The following TRPM2 variants were observed in gnomAD, a reference collection of about 807,000 sequenced individuals.
TRPM2 encodes the protein transient receptor potential cation channel subfamily M member 2.
TRPM2 carries 161 observed loss-of-function variants against 174.0 expected under a neutral mutation model. The observed-to-expected ratio is 0.93, with a 90% CI of 0.81 to 1.05. The LOEUF (loss-of-function observed/expected upper bound fraction) is 1.05, where lower values mean the gene tolerates loss of function less well. TRPM2 is among the 50% of genes least tolerant of loss of function. The pLI, the probability that TRPM2 is intolerant of heterozygous loss-of-function variation, is 0.00. For synonymous variants in TRPM2, 954 were observed against 861.3 expected (o/e 1.11, Z -1.88); for missense variants, 2,057 against 2,038.0 (o/e 1.01, Z -0.18).
At chr21:44,406,116 G>A in intron 18 of TRPM2, 79 bp downstream of exon 18, 4 of 1,555,844 alleles carry the variant, frequency 2.6e-6, no homozygotes, top group Non-Finnish European at 1.7e-6. Flanking sequence ...CCTTGCCAGT[G>A]GCTCGGACTG....
chr21:44,412,883 A>T (rs2050148857), intron 19 of TRPM2, among the ~76,000 whole-genome samples: 1 of 152,118 alleles, frequency 6.6e-6, no homozygotes, highest in South Asian at 2.1e-4. Context: ...TATCTTAGAA[A>T]ATTAGTAACA....
intron 19 of TRPM2, among the ~76,000 whole-genome samples, chr21:44,412,789 T>A (rs2050146281): frequency 6.6e-6 from 1 of 152,094 alleles, no homozygotes; most frequent in Non-Finnish European, 1.5e-5. Context: ...CTTCTTTTTC[T>A]AGTTTACTAC....
Position 44,353,737 on chromosome 21 carries a change from C to G in TRPM2, c.37C>G (p.Gln13Glu), listed in dbSNP as rs2047973272. The G allele has an allele frequency of 6.3e-7, 1 of 1,579,866 alleles. No individual in the cohort carries two copies. The highest frequency in any genetic ancestry group is 1.4e-5 in the African/African-American group (1 of 72,586). The change falls in exon 1 of 32, where the codon CAG becomes GAG. Residue 13 changes from glutamine to glutamate, a missense_variant. Physicochemically the swap from Gln to Glu is conservative, Grantham distance 29. Coordinates refer to ENST00000397928, the MANE Select transcript of TRPM2 (RefSeq NM_003307.4). ...PSALRKAGSE[Q>E]EEGFEGLPRR... ...AGCCCTGAGGAAAGCTGGCTCGGAG[C>G]AGGAGGAGGGCTTTGAGGGGCTGCC...
At chr21:44,369,569 T>A (rs60270826) in intron 5 of TRPM2, among the ~76,000 whole-genome samples, 12 of 34,380 alleles carry the variant, frequency 3.5e-4, no homozygotes, top group African/African-American at 1.5e-3. Context: ...TGTGGGTGAG[T>A]TCTGACCGGG....
At chr21:44,424,018 C>G (rs1363095274) in intron 23 of TRPM2, among the ~76,000 whole-genome samples, 4 of 152,132 alleles carry the variant, frequency 2.6e-5, no homozygotes, top group African/African-American at 9.7e-5. Context: ...CCCCTCCCGG[C>G]CTCCAGGGAG....
chr21:44,359,743 G>A (rs951754472), intron 2 of TRPM2, among the ~76,000 whole-genome samples: 1 of 131,808 alleles, frequency 7.6e-6, no homozygotes, highest in Non-Finnish European at 1.5e-5. Context: ...ACATATATAT[G>A]TATATATATA....
At position 44,366,924 on chromosome 21, in the gene TRPM2, T is replaced by C. The variant is rs761517822; in HGVS notation, c.594T>C (p.Ala198=). The change falls in exon 4 of 32, where the codon GCT becomes GCC. Residue 198 remains alanine (A), a synonymous_variant. Transcript: ENST00000397928. This position sits in a 1 kb window ranked among gnomAD's most constrained non-coding sequence, Gnocchi z 6.0. ...TCCGCAGAGGCCTGGTCAAGGTGGC[T>C]CAGACCACAGGTAACTCGGAGGCTG... is the stretch of plus-strand genomic sequence containing the variant. ...SIFRRGLVKV[A]QTTGAWIITG... is the part of the protein sequence containing the mutation. The C allele has an allele frequency of 2.5e-6, 4 of 1,592,508 alleles. No individual in the cohort carries two copies. The highest frequency in any genetic ancestry group is 3.4e-6 in the Non-Finnish European group (4 of 1,166,940).
chr21:44,369,518 C>G (rs1329440219), intron 5 of TRPM2, among the ~76,000 whole-genome samples, 175 bp downstream of exon 5: 1 of 95,002 alleles, frequency 1.1e-5, no homozygotes, highest in African/African-American at 4.5e-5. Flanking sequence ...GACGTCTGAC[C>G]GGGTGCTGCG....
chr21:44,439,229 A>C lies in TRPM2; in HGVS notation c.4269+61A>C. ...GTCCCCAGGGCTGCAGGACAAACAC[A>C]GTGTGATACTGGGGACCTGCCCCAG... On this transcript the variant is annotated intron_variant, in intron 30 of 31. Transcript: ENST00000397928. This position sits in a 1 kb window ranked among gnomAD's most constrained non-coding sequence, Gnocchi z 5.1. The C allele has an allele frequency of 6.7e-7, 1 of 1,485,122 alleles. No homozygotes were observed. The highest frequency in any genetic ancestry group is 9.4e-7 in the Non-Finnish European group (1 of 1,068,096). The allele number at this position is 1,485,122 out of a possible 1,614,324, so 92.0% of individuals were successfully genotyped here.
At chr21:44,382,115 CAATA>C (rs2048899739) in intron 8 of TRPM2, among the ~76,000 whole-genome samples, 1 of 150,830 alleles carries the variant, frequency 6.6e-6, no homozygotes, top group Non-Finnish European at 1.5e-5. Flanking sequence ...GATAGCTAGA[CAATA>C]GATAGATACA....
chr21:44,385,138 T>C (rs1328207140), intron 9 of TRPM2, among the ~76,000 whole-genome samples: 2 of 152,286 alleles, frequency 1.3e-5, no homozygotes, highest in Middle Eastern at 3.4e-3. Context: ...CATATGAAAA[T>C]TAATCAATAC....
At chr21:44,356,335 C>T (rs1235495454) in intron 2 of TRPM2, among the ~76,000 whole-genome samples, 2 of 151,254 alleles carry the variant, frequency 1.3e-5, no homozygotes, top group Non-Finnish European at 3.0e-5. Flanking sequence ...AGCAGTGGTA[C>T]TCCAGCCTCG....
In TRPM2 at chr21:44,390,942, G is replaced by A. The variant is rs767575649; in HGVS notation, c.1357G>A (p.Asp453Asn). Residue 453 changes from aspartate to asparagine, a missense_variant, in exon 10 of 32, where the codon GAC (aspartate) becomes AAC (asparagine). Asp to Asn is a conservative substitution (Grantham distance 23). Coordinates refer to ENST00000397928, the MANE Select transcript of TRPM2 (RefSeq NM_003307.4). ...SQDHFGHENW[D>N]HQLKLAVAWN... The stretch of plus-strand genomic sequence containing the variant: ...AGACCACTTTGGCCACGAGAACTGG[G>A]ACCACCAGCTGAAACTGGCAGTGGC... The A allele has an allele frequency of 1.2e-6, 2 of 1,614,116 alleles. No homozygotes were observed. The highest frequency in any genetic ancestry group is 4.5e-5 in the East Asian group (2 of 44,882).
intron 20 of TRPM2, chr21:44,416,574 G>T: frequency 5.6e-6 from 1 of 179,258 alleles, no homozygotes; most frequent in South Asian, 1.1e-4. Context: ...TCTGTCTCCT[G>T]ATAAACACCC....
rs369318694 is a variant in TRPM2, at chr21:44,353,851, G to A, written c.151G>A (p.Gly51Ser). ...FKSWRLQCPF[G>S]NNDKQESLSS... ...GAGCTGGAGGCTACAGTGCCCCTTC[G>A]GCAACAATGACAAGGTAGGCTTTCT... Residue 51 changes from glycine to serine, a missense_variant, in exon 1 of 32, where the codon GGC becomes AGC. Transcript: ENST00000397928. The A allele has an allele frequency of 1.3e-5, 20 of 1,598,046 alleles. No homozygotes were observed. Among genetic ancestry groups the A allele is most frequent in the African/African-American group, 9.5e-5 (7 of 73,704 alleles).
chr21:44,355,362 T>G (rs540216124), intron 2 of TRPM2, among the ~76,000 whole-genome samples: 6 of 152,230 alleles, frequency 3.9e-5, no homozygotes, highest in Non-Finnish European at 8.8e-5. Context: ...GAGTGTTGAT[T>G]CATGTTTGTG....
intron 9 of TRPM2, among the ~76,000 whole-genome samples, chr21:44,384,319 A>G (rs1256241266): frequency 6.6e-6 from 1 of 152,230 alleles, no homozygotes; most frequent in Non-Finnish European, 1.5e-5. Context: ...TACTTTATAA[A>G]TCAATCACTG....
At chr21:44,418,394 T>G in intron 21 of TRPM2, 29 bp from the exon 22 acceptor site, 1 of 1,608,296 alleles carries the variant, frequency 6.2e-7, no homozygotes, top group East Asian at 2.2e-5. Context: ...GGATTCCAGG[T>G]CCCCTGGTCT....
chr21:44,433,283 C>T (rs1412565388), intron 27 of TRPM2, among the ~76,000 whole-genome samples: 1 of 152,246 alleles, frequency 6.6e-6, no homozygotes, highest in Non-Finnish European at 1.5e-5. Flanking sequence ...GGGGTGGACT[C>T]ATGCCAGGCA....
Sources: allele counts gnomAD v4.1 joint callset (sites outside exome capture counted in the v4.1 genomes callset), GRCh38; gene constraint gnomAD v4.1.1; non-coding constraint Gnocchi (gnomAD v3.1); transcripts MANE v1.5; gene names NCBI Gene and HGNC (gene_info 2026-07-23, HGNC 2026-07-21).